DIAPH2: variants seen among roughly 807,000 people sequenced by gnomAD.
The protein encoded by DIAPH2 is protein diaphanous homolog 2.
A neutral mutation model predicts 92.7 loss-of-function variants in DIAPH2; 35 were observed. That is an observed-to-expected ratio of 0.38 (90% CI 0.29 to 0.50). The LOEUF (loss-of-function observed/expected upper bound fraction) is 0.50. Among genes scored for constraint, DIAPH2 ranks in the 20% least tolerant of loss-of-function variants. The pLI is 0.94. For synonymous variants in DIAPH2, 301 were observed against 280.4 expected (o/e 1.07, Z -0.73); for missense variants, 701 against 819.5 (o/e 0.86, Z 1.77).
chrX:97,247,851 T>G lies in DIAPH2; in HGVS notation c.2844+12T>G. 8.3e-7 allele frequency: 1 copy of G among 1,201,410 alleles called. No homozygotes were observed. Among genetic ancestry groups the G allele is most frequent in the South Asian group, 1.8e-5 (1 of 55,100 alleles). On this transcript the variant is annotated intron_variant, in intron 23 of 26. Coordinates refer to ENST00000324765, the MANE Select transcript of DIAPH2 (RefSeq NM_006729.5). ...TGGAAAAGATGACCATATCCTTTAT[T>G]TATTTAAGCATTTTGTCTAGTTTTT... is the stretch of plus-strand genomic sequence containing the variant.
chrX:96,839,261 A>G (rs1255896049), intron 4 of DIAPH2, among the ~76,000 whole-genome samples: 2 of 111,106 alleles, frequency 1.8e-5, no homozygotes, highest in Non-Finnish European at 3.8e-5. Context: ...GAAAATTTTG[A>G]AAGTGTCACT....
intron 15 of DIAPH2, 41 bp from the exon 16 acceptor site, chrX:96,957,787 A>G: frequency 1.0e-6 from 1 of 970,456 alleles, no homozygotes; most frequent in East Asian, 3.2e-5. Context: ...TTTTTCAATT[A>G]TATTTTATAA....
chrX:97,370,110 G>C (rs1443740805), intron 24 of DIAPH2, among the ~76,000 whole-genome samples: 4 of 111,437 alleles, frequency 3.6e-5, no homozygotes, highest in African/African-American at 1.3e-4. Flanking sequence ...GTATGTGACA[G>C]TTCATGCTGG....
chrX:97,487,031 G>C (rs2070693921), intron 26 of DIAPH2, among the ~76,000 whole-genome samples: 1 of 112,008 alleles, frequency 8.9e-6, no homozygotes, highest in Non-Finnish European at 1.9e-5. Flanking sequence ...GTCTTTGTGT[G>C]CCTGTCTTAC....
At chrX:97,231,086 T>A (rs2068005709) in intron 22 of DIAPH2, among the ~76,000 whole-genome samples, 1 of 112,426 alleles carries the variant, frequency 8.9e-6, no homozygotes, top group African/African-American at 3.2e-5. Context: ...TAGAATTTCA[T>A]CAAAGCAAAT....
At chrX:97,535,633 G>C (rs1407200971) in intron 26 of DIAPH2, among the ~76,000 whole-genome samples, 1 of 110,659 alleles carries the variant, frequency 9.0e-6, no homozygotes, top group Non-Finnish European at 1.9e-5. Context: ...TATATTTTTA[G>C]TAGAGACGGG....
intron 26 of DIAPH2, among the ~76,000 whole-genome samples, chrX:97,556,428 C>G (rs2071257772): frequency 8.9e-6 from 1 of 112,385 alleles, no homozygotes; most frequent in South Asian, 3.7e-4. Flanking sequence ...GAAATTTATT[C>G]TCTCACATTT....
intron 4 of DIAPH2, among the ~76,000 whole-genome samples, chrX:96,861,532 C>T (rs2065072422): frequency 8.9e-6 from 1 of 111,767 alleles, no homozygotes; most frequent in Non-Finnish European, 1.9e-5. Flanking sequence ...ATCCTCATCA[C>T]CTTGATTACA....
In DIAPH2 at chrX:97,386,790, C is replaced by CT. The variant is rs1325888065; in HGVS notation, c.3145+2762dup. ...GACAGATTGTGAGCTCTCTTTCTTT[C>CT]TTTTTTTTTTTTTTTTAATTATACT... On this transcript the variant is annotated intron_variant, in intron 25 of 26. Transcript: ENST00000324765. Among the ~76,000 whole-genome samples, 238 of 93,380 alleles carry CT rather than the reference C, an allele frequency of 2.5e-3. 1 individual carries two copies. Among genetic ancestry groups the CT allele is most frequent in the Middle Eastern group, 0.016 (3 of 187 alleles). 81.1% of individuals were successfully genotyped at this position (93,380 alleles called of 115,157 possible).
intron 17 of DIAPH2, among the ~76,000 whole-genome samples, chrX:97,042,604 C>T (rs1289410431): frequency 3.6e-5 from 4 of 112,068 alleles, no homozygotes; most frequent in Non-Finnish European, 7.6e-5. Context: ...ATCAGAAAAA[C>T]TGAAATACTA....
intron 23 of DIAPH2, among the ~76,000 whole-genome samples, chrX:97,311,081 A>C (rs973346641): frequency 1.8e-5 from 2 of 112,208 alleles, no homozygotes; most frequent in Admixed American, 1.9e-4. Context: ...TATTATTTAA[A>C]GATGAGAAGC....
intron 17 of DIAPH2, among the ~76,000 whole-genome samples, chrX:97,015,787 G>GA (rs397966972): frequency 0.12 from 4,126 of 33,253 alleles, 244 homozygotes; most frequent in Middle Eastern, 0.21. Flanking sequence ...GACGCCATCT[G>GA]AAAAAAAAAA....
At chrX:97,261,601 C>G (rs935396653) in intron 23 of DIAPH2, among the ~76,000 whole-genome samples, 3 of 110,092 alleles carry the variant, frequency 2.7e-5, no homozygotes, top group African/African-American at 6.6e-5. Flanking sequence ...GAGATGAGGT[C>G]TGGCTATGTT....
intron 26 of DIAPH2, among the ~76,000 whole-genome samples, chrX:97,483,930 A>G (rs2070669575): frequency 8.9e-6 from 1 of 112,032 alleles, no homozygotes; most frequent in African/African-American, 3.2e-5. Context: ...TGGAGGAAAC[A>G]GTGTTAGCTG....
intron 5 of DIAPH2, among the ~76,000 whole-genome samples, chrX:96,902,077 G>A (rs970725827): frequency 3.6e-5 from 4 of 111,771 alleles, no homozygotes; most frequent in African/African-American, 9.8e-5. Context: ...TAATTTCCAT[G>A]TATTTGCATA....
chrX:96,936,300 T>C (rs1177940526), intron 10 of DIAPH2, among the ~76,000 whole-genome samples: 1 of 111,592 alleles, frequency 9.0e-6, no homozygotes, highest in Non-Finnish European at 1.9e-5. Context: ...TGAATAAAGA[T>C]AGAAACAAGA....
intron 23 of DIAPH2, among the ~76,000 whole-genome samples, chrX:97,280,149 A>G (rs2068484716): frequency 9.0e-6 from 1 of 111,272 alleles, no homozygotes; most frequent in Non-Finnish European, 1.9e-5. Flanking sequence ...CACAGTAGCT[A>G]TAATTAAGGA....
At chrX:97,500,768 A>ATATC (rs2070790594) in intron 26 of DIAPH2, among the ~76,000 whole-genome samples, 2 of 13,703 alleles carry the variant, frequency 1.5e-4, no homozygotes, top group Admixed American at 1.4e-3. Flanking sequence ...AAGGAGATAT[A>ATATC]TATATATATA....
At chrX:97,185,435 G>A (rs767089919) in intron 22 of DIAPH2, among the ~76,000 whole-genome samples, 9 of 39,188 alleles carry the variant, frequency 2.3e-4, no homozygotes, top group African/African-American at 6.6e-4. Flanking sequence ...ATATATATAT[G>A]TGTATATATA....
Sources: gnomAD v4.1 joint callset for allele counts (sites outside exome capture counted in the v4.1 genomes callset) on GRCh38, gnomAD v4.1.1 for gene constraint, MANE v1.5 for transcripts, NCBI Gene and HGNC (gene_info 2026-07-23, HGNC 2026-07-21) for gene names.